The following JAK1 variants were observed in gnomAD, a reference collection of about 807,000 sequenced individuals.
The protein encoded by JAK1 is tyrosine-protein kinase JAK1.
JAK1 carries 16 observed loss-of-function variants against 136.6 expected under a neutral mutation model. The observed-to-expected ratio is 0.12, with a 90% confidence interval of 0.08 to 0.18. The LOEUF is 0.18. Among genes scored for constraint, JAK1 ranks in the 10% least tolerant of loss-of-function variants. JAK1 has a pLI of 1.00. For missense variants in JAK1, 859 were observed against 1,450.1 expected, an observed-to-expected ratio of 0.59 and a Z score of 6.62; for synonymous variants, 492 against 519.5, an observed-to-expected ratio of 0.95 and a Z score of 0.72.
intron 1 of JAK1, among the ~76,000 whole-genome samples, chr1:65,048,874 T>C (rs929970462): frequency 2.0e-5 from 3 of 152,174 alleles, no homozygotes; most frequent in Admixed American, 2.0e-4. Context: ...CGAGGAAGGG[T>C]TTCTTTCTGC....
Position 64,847,578 on chromosome 1 carries a change from T to G in JAK1, c.1853A>C (p.Lys618Thr). ...GGGGTCTAAGACTTTGAGGATCACT[T>G]TTATCTTCTTCTCTTCAGAAGTTCC... is the stretch of plus-strand genomic sequence containing the variant. Reference protein sequence around the residue: ...DEGTSEEKKIKVILKVLDPSH... With the variant: ...DEGTSEEKKITVILKVLDPSH... Residue 618 changes from lysine to threonine, a missense_variant, in exon 13 of 25, where the codon AAA (lysine) becomes ACA (threonine). Transcript: ENST00000342505. 1 of 1,614,016 alleles carries G rather than the reference T, an allele frequency of 6.2e-7. No individual in the cohort carries two copies. Among genetic ancestry groups the G allele is most frequent in the Non-Finnish European group, 8.5e-7 (1 of 1,179,980 alleles).
At position 64,835,326 on chromosome 1, in the gene JAK1, G is replaced by A. The variant is rs976857861; in HGVS notation, c.3369+70C>T. On this transcript the variant is annotated intron_variant, in intron 24 of 24. Coordinates refer to ENST00000342505, the MANE Select transcript of JAK1 (RefSeq NM_002227.4). ...TTCCTCGCTCTCCCCTCTACCCATT[G>A]CTGGACAACTCAAGCTGCGAAAACA... 2.0e-5 allele frequency: 16 copies of A among 794,280 alleles called. No homozygotes were observed. In the Middle Eastern group the frequency reaches 7.1e-4, roughly 35 times the overall value. 49.2% of individuals were successfully genotyped at this position (794,280 alleles called of 1,614,324 possible). A position where few individuals can be genotyped will look rare whatever the true frequency, so the allele number is the denominator to read the frequency against.
At chr1:64,904,260 C>T (rs1645157145) in intron 1 of JAK1, among the ~76,000 whole-genome samples, 1 of 152,144 alleles carries the variant, frequency 6.6e-6, no homozygotes, top group African/African-American at 2.4e-5. Flanking sequence ...GGAACACAAA[C>T]CAACAGAAAT....
chr1:64,850,761 A>C (rs748198741), intron 12 of JAK1, 43 bp downstream of exon 12: 1 of 1,310,978 alleles, frequency 7.6e-7, no homozygotes, highest in East Asian at 2.3e-5. Context: ...CATCGTGGGG[A>C]GGCAGGACCA....
chr1:65,047,712 T>C (rs949364911), intron 1 of JAK1, among the ~76,000 whole-genome samples: 13 of 150,240 alleles, frequency 8.7e-5, no homozygotes, highest in Admixed American at 2.0e-4. Context: ...GAGCGAGACT[T>C]CATCTCAAAA....
rs571747013 is a variant in JAK1, at chr1:64,951,535, T to C, written c.-78+14798A>G. 2.6e-4 allele frequency among the ~76,000 whole-genome samples: 39 copies of C among 151,994 alleles called. 1 individual carries two copies. In the South Asian group the frequency reaches 6.4e-3, roughly 25 times the overall value. ...TTAACCAAGGAAGTGCAATAATGTATACATTCCAGAATATGTCGCTTCAGG... is the reference window on the plus strand; with the variant it reads ...TTAACCAAGGAAGTGCAATAATGTACACATTCCAGAATATGTCGCTTCAGG... On this transcript the variant is annotated intron_variant, in intron 1 of 24. Transcript: ENST00000342505.
chr1:64,868,566 G>C (rs1306482943), intron 6 of JAK1, among the ~76,000 whole-genome samples: 1 of 152,172 alleles, frequency 6.6e-6, no homozygotes, highest in African/African-American at 2.4e-5. Flanking sequence ...CTCAATCCCT[G>C]CATCACTGAG....
At chr1:65,028,206 C>T (rs1646994224) in intron 2 of JAK1, among the ~76,000 whole-genome samples, 1 of 152,092 alleles carries the variant, frequency 6.6e-6, no homozygotes, top group African/African-American at 2.4e-5. Context: ...TGTGTTGTCT[C>T]ATCAGTGAGT....
At chr1:64,925,267 G>A (rs978110804) in intron 1 of JAK1, among the ~76,000 whole-genome samples, 1 of 151,732 alleles carries the variant, frequency 6.6e-6, no homozygotes, top group Non-Finnish European at 1.5e-5. Flanking sequence ...AGTTAGCAGG[G>A]TGTGGTGGCG....
chr1:65,012,857 G>A (rs1386268814), intron 2 of JAK1, among the ~76,000 whole-genome samples: 1 of 151,538 alleles, frequency 6.6e-6, no homozygotes, highest in Non-Finnish European at 1.5e-5. Context: ...ACTTGGGGAG[G>A]CCAAGGCAGG....
intron 2 of JAK1, among the ~76,000 whole-genome samples, chr1:65,007,850 A>G (rs1057396949): frequency 6.6e-6 from 1 of 151,582 alleles, no homozygotes; most frequent in South Asian, 2.1e-4. Context: ...GGTTCAAGTG[A>G]TTCTCCTGCC....
chr1:65,033,859 A>C (rs957347228), intron 2 of JAK1, among the ~76,000 whole-genome samples: 1 of 152,172 alleles, frequency 6.6e-6, no homozygotes, highest in East Asian at 1.9e-4. Context: ...AGAGTGTGTG[A>C]TTTTGGGCAA....
intron 2 of JAK1, among the ~76,000 whole-genome samples, chr1:64,976,824 A>G (rs1646500868): frequency 6.6e-6 from 1 of 152,138 alleles, no homozygotes; most frequent in Non-Finnish European, 1.5e-5. Context: ...CACTTTACCC[A>G]GGTTAACAAC....
chr1:64,908,026 T>C (rs1459483421), intron 1 of JAK1, among the ~76,000 whole-genome samples: 1 of 152,056 alleles, frequency 6.6e-6, no homozygotes, highest in Non-Finnish European at 1.5e-5. Flanking sequence ...GTACCATCTG[T>C]CCAAAAATGA....
intron 1 of JAK1, among the ~76,000 whole-genome samples, chr1:64,939,791 C>T (rs1350493561): frequency 6.6e-6 from 1 of 152,102 alleles, no homozygotes; most frequent in African/African-American, 2.4e-5. Flanking sequence ...CTATATAAGT[C>T]AATAAAAGTG....
intron 1 of JAK1, among the ~76,000 whole-genome samples, chr1:64,914,794 C>T (rs1645364254): frequency 1.3e-5 from 2 of 152,098 alleles, no homozygotes; most frequent in African/African-American, 2.4e-5. Context: ...GAACTCCTGA[C>T]CTCAAGTGAT....
chr1:64,846,348 C>A (rs555451456), intron 14 of JAK1, among the ~76,000 whole-genome samples: 99 of 152,284 alleles, frequency 6.5e-4, no homozygotes, highest in African/African-American at 2.3e-3. Context: ...CTCCTTGGGC[C>A]TGACTCTTGT....
intron 1 of JAK1, among the ~76,000 whole-genome samples, chr1:65,058,010 A>G (rs1036345712): frequency 6.6e-6 from 1 of 152,126 alleles, no homozygotes; most frequent in Non-Finnish European, 1.5e-5. Context: ...CAATTTCAAT[A>G]CTGTTCAACA....
At chr1:65,056,036 A>G (rs1647519552) in intron 1 of JAK1, among the ~76,000 whole-genome samples, 1 of 152,208 alleles carries the variant, frequency 6.6e-6, no homozygotes, top group Non-Finnish European at 1.5e-5. Flanking sequence ...TTCTTGAAGC[A>G]CTTTTTTCCA....
Sources: gnomAD v4.1 joint callset for allele counts (sites outside exome capture counted in the v4.1 genomes callset) on GRCh38, gnomAD v4.1.1 for gene constraint, MANE v1.5 for transcripts, NCBI Gene and HGNC (gene_info 2026-07-23, HGNC 2026-07-21) for gene names.